HEATR1: variants seen among roughly 807,000 people sequenced by gnomAD.
The protein encoded by HEATR1 is HEAT repeat containing 1, also known as HEAT repeat-containing protein 1.
A neutral mutation model predicts 248.2 loss-of-function variants in HEATR1; 77 were observed. The observed-to-expected ratio is 0.31, with a 90% CI of 0.26 to 0.37. HEATR1 has a LOEUF of 0.37. HEATR1 is among the 10% of genes least tolerant of loss of function. The probability of loss-of-function intolerance (pLI) is 1.00; values close to 1 mark genes in which losing one functional copy is unlikely to be tolerated. For synonymous variants in HEATR1, 897 were observed against 923.1 expected (o/e 0.97, Z 0.51); for missense variants, 2,420 against 2,504.9 (o/e 0.97, Z 0.72).
chr1:236,555,765 A>G (rs1247489767), intron 39 of HEATR1, 40 bp downstream of exon 39: 3 of 1,613,358 alleles, frequency 1.9e-6, no homozygotes, highest in Admixed American at 1.7e-5. Flanking sequence ...CAATAGGTGG[A>G]TAACAGCTTT....
At chr1:236,558,154 A>G in intron 36 of HEATR1, 83 bp downstream of exon 36, 89 of 1,155,388 alleles carry the variant, frequency 7.7e-5, no homozygotes, top group Non-Finnish European at 9.5e-5. Context: ...ACTCAGAGGA[A>G]AAAAAAAAAA....
chr1:236,555,729 C>G (rs1235946221), intron 39 of HEATR1, 74 bp from the exon 40 acceptor site: 2 of 1,605,718 alleles, frequency 1.2e-6, no homozygotes, highest in East Asian at 2.2e-5. Context: ...ACCACTGTTA[C>G]ACGGCTAGAT....
chr1:236,575,099 G>C (rs993063001), intron 22 of HEATR1, among the ~76,000 whole-genome samples, 196 bp from the exon 23 acceptor site: 1 of 152,180 alleles, frequency 6.6e-6, no homozygotes, highest in African/African-American at 2.4e-5. Flanking sequence ...CAGTTCATGT[G>C]TAATGCTCAA....
chr1:236,599,542 T>C lies in HEATR1; in HGVS notation c.442A>G (p.Ile148Val). ...GAATTATTAATTTTTAGAAGCTGTA[T>C]GACTCGCACAAATATTCTTGTCTCG... ...YHETRIFVRV[I>V]QLLKINNSKH... is the part of the protein sequence containing the mutation. Residue 148 changes from isoleucine to valine, a missense_variant, in exon 4 of 45, where the codon ATA becomes GTA. Transcript: ENST00000366582. 6.2e-7 allele frequency: 1 copy of C among 1,613,894 alleles called. No individual in the cohort carries two copies.
rs771451183 is a variant in HEATR1, at chr1:236,603,966, C to A, written c.130G>T (p.Ala44Ser). ...AAAGATGGCTCACCAATGGCGAAGG[C>A]GGTGTCCCTGTCGATTGTGGCCGCT... is the stretch of plus-strand genomic sequence containing the variant. ...KEAATIDRDT[A>S]FAIGCTGLEE... Residue 44 changes from alanine (A) to serine (S), a missense_variant, in exon 2 of 45, where the codon GCC (alanine) becomes TCC (serine). Ala to Ser is a moderately conservative substitution (Grantham distance 99, BLOSUM62 1). Coordinates refer to ENST00000366582, the MANE Select transcript of HEATR1 (RefSeq NM_018072.6). 6.3e-7 allele frequency: 1 copy of A among 1,595,112 alleles called. No homozygotes were observed. The highest frequency in any genetic ancestry group is 2.3e-5 in the East Asian group (1 of 44,206).
Position 236,555,566 on chromosome 1 carries a change from C to A in HEATR1, c.5739G>T (p.Arg1913Ser). Residue 1913 changes from arginine to serine, a missense_variant, in exon 40 of 45, where the codon AGG becomes AGT. Arg to Ser is a moderately radical substitution (Grantham distance 110). Coordinates refer to ENST00000366582, the MANE Select transcript of HEATR1 (RefSeq NM_018072.6). ...AAAGCGTCACCTTGAAGAACAGGGG[C>A]CTGAATGTGACCTCGGAAAGTTTGA... ...MVVKLSEVTF[R>S]PLFFKLFDWA... 6.2e-7 allele frequency: 1 copy of A among 1,614,150 alleles called. No homozygotes were observed. The highest frequency in any genetic ancestry group is 8.5e-7 in the Non-Finnish European group (1 of 1,180,022).
At chr1:236,592,147 A>T in intron 10 of HEATR1, 37 bp from the exon 11 acceptor site, 1 of 1,088,820 alleles carries the variant, frequency 9.2e-7, no homozygotes, top group Non-Finnish European at 1.4e-6. Flanking sequence ...ATTATTCTTA[A>T]TAAATTTATT....
chr1:236,580,319 A>C (rs983850326), intron 20 of HEATR1, among the ~76,000 whole-genome samples: 22 of 152,170 alleles, frequency 1.4e-4, no homozygotes, highest in Non-Finnish European at 1.5e-5. Context: ...GCTCATTATT[A>C]AATTGTATTA....
At chr1:236,564,383 A>G in intron 32 of HEATR1, 115 bp downstream of exon 32, 1 of 817,964 alleles carries the variant, frequency 1.2e-6, no homozygotes, top group South Asian at 1.8e-5. Context: ...TATTATCTTT[A>G]AAGGCGTGCC....
At position 236,565,790 on chromosome 1, in the gene HEATR1, ACAAT is replaced by A. The variant is rs1362966159; in HGVS notation, c.4435+125_4435+128del. On this transcript the variant is annotated intron_variant, in intron 31 of 44. Transcript: ENST00000366582. The stretch of plus-strand genomic sequence containing the variant: ...TTTCCATAAGGATTCAAGAAACTAC[ACAAT>A]CAAATTAAAATGATTAACTTACTTT... 4.4e-6 allele frequency: 4 copies of A among 903,892 alleles called. No individual in the cohort carries two copies. In the African/African-American group the frequency reaches 6.7e-5, roughly 15 times the overall value. 56.0% of individuals were successfully genotyped at this position (903,892 alleles called of 1,614,324 possible).
At position 236,565,328 on chromosome 1, in the gene HEATR1, A is replaced by G. The variant is rs191363213; in HGVS notation, c.4435+591T>C. 1.3e-3 allele frequency among the ~76,000 whole-genome samples: 204 copies of G among 152,276 alleles called. 2 individuals carry two copies. The highest frequency in any genetic ancestry group is 4.7e-3 in the African/African-American group (197 of 41,564). On this transcript the variant is annotated intron_variant, in intron 31 of 44. Coordinates refer to ENST00000366582, the MANE Select transcript of HEATR1 (RefSeq NM_018072.6). ...CACGTCAACCCTTTCTTAATGAAAA[A>G]AAGTTTTTTTTAGAGATGGCGTCTT...
intron 31 of HEATR1, among the ~76,000 whole-genome samples, chr1:236,565,232 C>A (rs572238008): frequency 1.3e-5 from 2 of 152,358 alleles, no homozygotes; most frequent in East Asian, 3.9e-4. Context: ...CTCTGCGGAG[C>A]TCTTAGAGTA....
At position 236,589,570 on chromosome 1, in the gene HEATR1, T is replaced by C. The variant is rs534981482; in HGVS notation, c.1530+1277A>G. Among the ~76,000 whole-genome samples, 30 of 152,298 alleles carry C rather than the reference T, an allele frequency of 2.0e-4. 1 individual carries two copies. The South Asian group carries it at 5.4e-3, about 27-fold the overall frequency. On this transcript the variant is annotated intron_variant, in intron 12 of 44. Coordinates refer to ENST00000366582, the MANE Select transcript of HEATR1 (RefSeq NM_018072.6). ...AATAAAATTCAAATGAAGATGAACT[T>C]AGTGTGATTAGTTGTAATTAGCTGA...
rs758853810 is a variant in HEATR1, at chr1:236,558,433, C to T, written c.5008G>A (p.Ala1670Thr). ...CATAAAAGCTTTAAGGTATACAACG[C>T]TGTCTGTCTGTTGATTGCTTGTTCT... is the stretch of plus-strand genomic sequence containing the variant. The part of the protein sequence containing the change: ...EEEQAINRQT[A>T]LYTLKLLCKN... The change falls in exon 36 of 45, where the codon GCG (alanine) becomes ACG (threonine). Residue 1670 changes from alanine (A) to threonine (T), a missense_variant. Coordinates refer to ENST00000366582, the MANE Select transcript of HEATR1 (RefSeq NM_018072.6). 1.1e-5 allele frequency: 17 copies of T among 1,614,190 alleles called. No individual in the cohort carries two copies. The highest frequency in any genetic ancestry group is 1.4e-5 in the Non-Finnish European group (16 of 1,179,998).
At chr1:236,593,064 C>A (rs1664084182) in intron 9 of HEATR1, among the ~76,000 whole-genome samples, 1 of 152,146 alleles carries the variant, frequency 6.6e-6, no homozygotes, top group Non-Finnish European at 1.5e-5. Context: ...CATGGTGGCA[C>A]ATGCCTGTAA....
Position 236,558,615 on chromosome 1 carries a change from T to G in HEATR1, c.4912-86A>C, listed in dbSNP as rs541216963. ...CCCATTGTCACAGCTTGAGATTGTCTAAATGGAAATCAGACTCGGGGGTCC... is the reference window on the plus strand; with the variant it reads ...CCCATTGTCACAGCTTGAGATTGTCGAAATGGAAATCAGACTCGGGGGTCC... On this transcript the variant is annotated intron_variant, in intron 35 of 44. Coordinates refer to ENST00000366582, the MANE Select transcript of HEATR1 (RefSeq NM_018072.6). 42 of 1,348,640 alleles carry G rather than the reference T, an allele frequency of 3.1e-5. No individual in the cohort carries two copies. The South Asian group carries it at 5.6e-4, about 18-fold the overall frequency. The allele number at this position is 1,348,640 out of a possible 1,614,324, so 83.5% of individuals were successfully genotyped here. A position where few individuals can be genotyped will look rare whatever the true frequency, so the allele number is the denominator to read the frequency against.
At position 236,564,659 on chromosome 1, in the gene HEATR1, TTTCTGAA is replaced by T; in HGVS notation, c.4436-5_4437del. 1 of 1,609,114 alleles carries T rather than the reference TTTCTGAA, an allele frequency of 6.2e-7. No homozygotes were observed. The highest frequency in any genetic ancestry group is 8.5e-7 in the Non-Finnish European group (1 of 1,178,568). ...TTAAATGACACTGCTTTGGGAATGG[TTTCTGAA>T]ACAGCAATAAAACAAGTGACCTTAC... On this transcript the variant is annotated splice_acceptor_variant and splice_polypyrimidine_tract_variant and coding_sequence_variant and intron_variant, in exon 32 of 45. Transcript: ENST00000366582. LOFTEE classifies it high-confidence loss of function.
intron 7 of HEATR1, 29 bp from the exon 8 acceptor site, chr1:236,595,702 T>C (rs541137516): frequency 6.3e-7 from 1 of 1,599,106 alleles, no homozygotes; most frequent in African/African-American, 1.3e-5. Context: ...ACATATCGTG[T>C]TGACTTTACA....
chr1:236,583,211 G>GA lies in HEATR1; in HGVS notation c.2242-16dup, dbSNP rs1558187767. 6.4e-7 allele frequency: 1 copy of GA among 1,574,254 alleles called. No individual in the cohort carries two copies. Among genetic ancestry groups the GA allele is most frequent in the East Asian group, 2.3e-5 (1 of 44,396 alleles). Reference sequence around the variant, plus strand: ...GAGGGGATTTCCTGAAATGTTAAAGGAAACAAAAACTAGTACAAACTAAGG... The same window carrying GA: ...GAGGGGATTTCCTGAAATGTTAAAGGAAAACAAAAACTAGTACAAACTAAGG... On this transcript the variant is annotated splice_polypyrimidine_tract_variant and intron_variant, in intron 17 of 44. Coordinates refer to ENST00000366582, the MANE Select transcript of HEATR1 (RefSeq NM_018072.6).
Sources: gnomAD v4.1 joint callset for allele counts (sites outside exome capture counted in the v4.1 genomes callset) on GRCh38, gnomAD v4.1.1 for gene constraint, MANE v1.5 for transcripts, NCBI Gene and HGNC (gene_info 2026-07-23, HGNC 2026-07-21) for gene names.